Variants in SIMC1 observed in about 807,000 individuals in gnomAD.
The protein encoded by SIMC1 is SUMO-interacting motif-containing protein 1.
A neutral mutation model predicts 82.3 loss-of-function variants in SIMC1; 55 were observed. That is an observed-to-expected ratio of 0.67 (90% confidence interval 0.54 to 0.84). The LOEUF (loss-of-function observed/expected upper bound fraction) is 0.84, where lower values mean the gene tolerates loss of function less well. Among genes scored for constraint, SIMC1 ranks in the 40% least tolerant of loss-of-function variants. The pLI is 0.00. For synonymous variants in SIMC1, 353 were observed against 426.3 expected (o/e 0.83, Z 2.12); for missense variants, 915 against 1,107.2 (o/e 0.83, Z 2.46).
intron 4 of SIMC1, chr5:176,308,490 C>T: frequency 6.2e-7 from 1 of 1,607,692 alleles, no homozygotes; most frequent in South Asian, 1.1e-5. Flanking sequence ...AGCCATGTAC[C>T]AGATGATGGA....
chr5:176,342,434 A>T (rs762649385), intron 9 of SIMC1, among the ~76,000 whole-genome samples: 7 of 152,252 alleles, frequency 4.6e-5, no homozygotes, highest in Middle Eastern at 3.4e-3. Flanking sequence ...ATGTTAGCTG[A>T]AACACTTTAA....
chr5:176,287,891 TAG>T (rs1581257084), intron 1 of SIMC1, among the ~76,000 whole-genome samples: 2 of 151,994 alleles, frequency 1.3e-5, no homozygotes, highest in African/African-American at 4.8e-5. Flanking sequence ...TTCTTGAGGA[TAG>T]AGAGAGAGGT....
chr5:176,256,500 A>G lies in SIMC1; in HGVS notation c.129+17863A>G, dbSNP rs1761856460. Among the ~76,000 whole-genome samples, 3 of 152,192 alleles carry G rather than the reference A, an allele frequency of 2.0e-5. No homozygotes were observed. In the South Asian group the frequency reaches 6.2e-4, roughly 31 times the overall value. On this transcript the variant is annotated intron_variant, in intron 1 of 9. Transcript: ENST00000429602. The stretch of plus-strand genomic sequence containing the variant: ...TTTTGTCCTTCTTTCTTAAATAGTT[A>G]GTCATTTTACTTAAGGATAAAATTT...
intron 1 of SIMC1, among the ~76,000 whole-genome samples, chr5:176,287,950 C>A (rs1231108256): frequency 1.3e-5 from 2 of 152,082 alleles, no homozygotes; most frequent in African/African-American, 4.8e-5. Context: ...GTTAGTTTAA[C>A]CAGCGGGGAG....
intron 7 of SIMC1, among the ~76,000 whole-genome samples, chr5:176,327,434 T>A (rs1180076275): frequency 6.6e-6 from 1 of 152,248 alleles, no homozygotes; most frequent in Non-Finnish European, 1.5e-5. Flanking sequence ...TGCTCATTAG[T>A]AGTGTATAGA....
intron 1 of SIMC1, among the ~76,000 whole-genome samples, chr5:176,260,676 C>CT (rs1243751555): frequency 1.3e-5 from 2 of 151,918 alleles, no homozygotes; most frequent in Admixed American, 1.3e-4. Flanking sequence ...AGTAATATGT[C>CT]TTTTTTTATT....
chr5:176,299,170 G>A, intron 4 of SIMC1, among the ~76,000 whole-genome samples: 1 of 152,194 alleles, frequency 6.6e-6, no homozygotes, highest in Admixed American at 6.5e-5. Flanking sequence ...AATGTAGAAG[G>A]ATTGCTTGAA....
intron 1 of SIMC1, among the ~76,000 whole-genome samples, chr5:176,251,630 G>A (rs2113120621): frequency 6.6e-6 from 1 of 151,664 alleles, no homozygotes; most frequent in South Asian, 2.1e-4. Context: ...TTCTCGCAGA[G>A]GGGGATTTGG....
chr5:176,313,267 A>G (rs958816745), intron 4 of SIMC1: 2 of 1,396,434 alleles, frequency 1.4e-6, no homozygotes, highest in Admixed American at 3.0e-5. Flanking sequence ...CTGTTTTGCC[A>G]TCTGTAGTTT....
intron 1 of SIMC1, among the ~76,000 whole-genome samples, chr5:176,247,393 G>A (rs1412284104): frequency 6.6e-6 from 1 of 152,042 alleles, no homozygotes; most frequent in Non-Finnish European, 1.5e-5. Flanking sequence ...TTTGTGGGCC[G>A]CGTAAATGTC....
At chr5:176,271,974 A>G (rs1376741925) in intron 1 of SIMC1, among the ~76,000 whole-genome samples, 1 of 145,010 alleles carries the variant, frequency 6.9e-6, no homozygotes, top group Non-Finnish European at 1.5e-5. Context: ...TAATGTATAT[A>G]TTATATATAA....
chr5:176,306,339 GC>G (rs1764383738), intron 4 of SIMC1, among the ~76,000 whole-genome samples: 1 of 140,396 alleles, frequency 7.1e-6, no homozygotes, highest in Non-Finnish European at 1.6e-5. Context: ...GAGGTGAGGG[GC>G]ACCTCTGCCC....
At chr5:176,256,308 A>T (rs1176514168) in intron 1 of SIMC1, among the ~76,000 whole-genome samples, 1 of 152,104 alleles carries the variant, frequency 6.6e-6, no homozygotes, top group Non-Finnish European at 1.5e-5. Context: ...TGTGTATATA[A>T]ATATATATAC....
At position 176,305,669 on chromosome 5, in the gene SIMC1, C is replaced by T. The variant is rs1764312211; in HGVS notation, c.1735-8022C>T. Among the ~76,000 whole-genome samples the T allele has an allele frequency of 5.8e-5, 7 of 120,122 alleles. No homozygotes were observed. The South Asian group carries it at 1.9e-3, about 32-fold the overall frequency. 78.8% of individuals were successfully genotyped at this position (120,122 alleles called of 152,430 possible). A position where few individuals can be genotyped will look rare whatever the true frequency, so the allele number is the denominator to read the frequency against. On this transcript the variant is annotated intron_variant, in intron 4 of 9. Transcript: ENST00000429602. ...CTGCCCCTACTGGGAAGTGAGGAGC[C>T]CCTCTGCCCGGCCAGCCGCCCCGTC...
chr5:176,305,479 G>A (rs1237160481), intron 4 of SIMC1, among the ~76,000 whole-genome samples: 3 of 102,718 alleles, frequency 2.9e-5, no homozygotes, highest in Non-Finnish European at 4.2e-5. Flanking sequence ...CGCCCCTACT[G>A]GGAAGTGAGG....
At chr5:176,332,383 C>G (rs1270600447) in intron 7 of SIMC1, among the ~76,000 whole-genome samples, 3 of 152,110 alleles carry the variant, frequency 2.0e-5, no homozygotes, top group Non-Finnish European at 4.4e-5. Flanking sequence ...CTCCGCCTCC[C>G]GGGTTCAAGA....
intron 5 of SIMC1, 63 bp from the exon 6 acceptor site, chr5:176,322,204 CTTTCTT>C: frequency 6.8e-7 from 1 of 1,479,914 alleles, no homozygotes; most frequent in African/African-American, 1.4e-5. Context: ...GAAACCTTTT[CTTTCTT>C]TATTTTTTTT....
chr5:176,314,347 T>C (rs1296882765), intron 5 of SIMC1, among the ~76,000 whole-genome samples: 2 of 152,180 alleles, frequency 1.3e-5, no homozygotes, highest in African/African-American at 4.8e-5. Flanking sequence ...AAACCAACAA[T>C]GTGGCAGGCA....
At chr5:176,333,424 TG>T (rs1765753336) in intron 7 of SIMC1, among the ~76,000 whole-genome samples, 1 of 152,050 alleles carries the variant, frequency 6.6e-6, no homozygotes, top group Admixed American at 6.5e-5. Context: ...GGGGTTTTTT[TG>T]GTGTTTTGTT....
Sources: allele counts gnomAD v4.1 joint callset (sites outside exome capture counted in the v4.1 genomes callset), GRCh38; gene constraint gnomAD v4.1.1; transcripts MANE v1.5; gene names NCBI Gene and HGNC (gene_info 2026-07-23, HGNC 2026-07-21).